Variants in PARVB observed in about 807,000 individuals in gnomAD.
The protein encoded by PARVB is parvin beta.
Under a neutral mutation model 47.0 loss-of-function variants are expected in PARVB, and 46 were observed. That is an observed-to-expected ratio of 0.98 (90% confidence interval 0.77 to 1.25). PARVB has a LOEUF of 1.25. Among genes scored for constraint, PARVB ranks in the 50% most tolerant of loss-of-function variants. The probability of loss-of-function intolerance (pLI) is 0.00; values close to 1 mark genes in which losing one functional copy is unlikely to be tolerated. For synonymous variants in PARVB, 196 were observed against 196.3 expected (o/e 1.00, Z 0.01); for missense variants, 473 against 471.6 (o/e 1.00, Z -0.03).
Position 44,068,995 on chromosome 22 carries a change from T to G in PARVB, c.113-24933T>G. ...CCCCGGTCCTTCCACAGCCTGACCC[T>G]CTGTGACCTTCCTCAAAGGCTCCCC... On this transcript the variant is annotated intron_variant, in intron 1 of 12. Transcript: ENST00000338758. The surrounding 1 kb of genome is among the most constrained non-coding windows in gnomAD (Gnocchi z 4.1). The G allele has an allele frequency of 2.5e-6, 2 of 799,228 alleles. No individual in the cohort carries two copies. Among genetic ancestry groups the G allele is most frequent in the Non-Finnish European group, 4.0e-6 (2 of 497,512 alleles). The allele number at this position is 799,228 out of a possible 1,614,324, so 49.5% of individuals were successfully genotyped here.
At chr22:44,016,534 C>T (rs1355940065) in intron 2 of PARVB, among the ~76,000 whole-genome samples, 3 of 152,212 alleles carry the variant, frequency 2.0e-5, no homozygotes, top group Non-Finnish European at 4.4e-5. Flanking sequence ...AACACATCAT[C>T]CTATCCAAGT....
At chr22:44,005,641 C>T (rs187352841) in intron 2 of PARVB, among the ~76,000 whole-genome samples, 9 of 152,166 alleles carry the variant, frequency 5.9e-5, no homozygotes, top group African/African-American at 2.2e-4. Context: ...CTCTCCACAC[C>T]CAAGTAACGA....
chr22:44,125,780 A>T lies in PARVB; in HGVS notation c.377-5707A>T, dbSNP rs535545234. 3.9e-5 allele frequency among the ~76,000 whole-genome samples: 6 copies of T among 152,260 alleles called. No individual in the cohort carries two copies. The South Asian group carries it at 1.0e-3, about 26-fold the overall frequency. ...TGTGACGTGGATTGGGTTAGAGTTT[A>T]AAAGGTCACTTAGGCTTCTGGGTGC... On this transcript the variant is annotated intron_variant, in intron 4 of 12. Transcript: ENST00000338758. This position sits in a 1 kb window ranked among gnomAD's most constrained non-coding sequence, Gnocchi z 4.1.
chr22:44,027,903 GA>G (rs200565529), intron 1 of PARVB, among the ~76,000 whole-genome samples: 47 of 91,120 alleles, frequency 5.2e-4, no homozygotes, highest in South Asian at 1.6e-3. Context: ...ATATCAAATA[GA>G]AAAAAAAACC....
intron 8 of PARVB, chr22:44,146,318 CGCACACATGTGCTCACGT>C (rs1984683681): frequency 7.8e-6 from 1 of 128,952 alleles, no homozygotes; most frequent in African/African-American, 3.2e-5. Context: ...TGCTCACACA[CGCACACATGTGCTCACGT>C]GCACACAGGT....
intron 1 of PARVB, among the ~76,000 whole-genome samples, chr22:44,047,480 G>A (rs1030291446): frequency 6.6e-6 from 1 of 152,046 alleles, no homozygotes; most frequent in African/African-American, 2.4e-5. Flanking sequence ...GGTCAACATG[G>A]CGAAACCCCA....
chr22:44,055,678 C>CTCTCTA (rs1438284048), intron 1 of PARVB, among the ~76,000 whole-genome samples: 3,084 of 142,670 alleles, frequency 0.022, 38 homozygotes, highest in Non-Finnish European at 0.021. Flanking sequence ...CTCTCTCTCT[C>CTCTCTA]TATATATATA....
At chr22:44,149,449 T>G (rs2053755072) in intron 9 of PARVB, 1 of 152,232 alleles carries the variant, frequency 6.6e-6, no homozygotes, top group Admixed American at 6.5e-5. Context: ...TGCCCACCTC[T>G]GCAGGTTTCT....
chr22:44,122,556 C>CAG (rs1569134550), intron 4 of PARVB, among the ~76,000 whole-genome samples: 19 of 46,066 alleles, frequency 4.1e-4, no homozygotes, highest in East Asian at 2.4e-3. Flanking sequence ...GAGAGAGACA[C>CAG]AGAGACAGAG....
At chr22:44,142,046 A>G (rs2053561983) in intron 8 of PARVB, 3 of 151,932 alleles carry the variant, frequency 2.0e-5, no homozygotes. Flanking sequence ...TTCTTCCTGG[A>G]GGAGGCTCAG....
At chr22:44,065,483 T>C (rs2051500681) in intron 1 of PARVB, among the ~76,000 whole-genome samples, 1 of 152,162 alleles carries the variant, frequency 6.6e-6, no homozygotes, top group Admixed American at 6.5e-5. Context: ...TTCTTTATTG[T>C]TTATTTCAAC....
At chr22:44,055,678 C>CTCTCTCTATATATATATATA (rs1438284048) in intron 1 of PARVB, among the ~76,000 whole-genome samples, 1 of 142,680 alleles carries the variant, frequency 7.0e-6, no homozygotes, top group African/African-American at 2.6e-5. Context: ...CTCTCTCTCT[C>CTCTCTCTATATATATATATA]TATATATATA....
intron 1 of PARVB, among the ~76,000 whole-genome samples, chr22:44,086,441 C>T (rs368107907): frequency 6.6e-6 from 1 of 152,206 alleles, no homozygotes; most frequent in Non-Finnish European, 1.5e-5. Flanking sequence ...ATCCCAAGAA[C>T]CTTGGAGATT....
chr22:44,129,151 T>C (rs1210427312), intron 4 of PARVB, among the ~76,000 whole-genome samples: 1 of 152,082 alleles, frequency 6.6e-6, no homozygotes, highest in African/African-American at 2.4e-5. Flanking sequence ...CCTAATTCAA[T>C]ATGTCTAGGG....
chr22:44,147,592 G>C (rs894189173), intron 8 of PARVB: 8 of 636,424 alleles, frequency 1.3e-5, no homozygotes, highest in African/African-American at 1.2e-4. Context: ...TTTCATATGA[G>C]AAGGTAAAAA....
chr22:44,036,991 T>A (rs1010000904), intron 1 of PARVB, among the ~76,000 whole-genome samples: 45 of 150,514 alleles, frequency 3.0e-4, no homozygotes, highest in African/African-American at 1.1e-3. Flanking sequence ...ATCAAAATAA[T>A]AATCATAATA....
chr22:44,026,223 T>G (rs2050726137), intron 1 of PARVB: 1 of 690,084 alleles, frequency 1.4e-6, no homozygotes, highest in Non-Finnish European at 1.8e-6. Flanking sequence ...CCTGTATGAA[T>G]TGATGTGTGT....
intron 8 of PARVB, 25 bp downstream of exon 8, chr22:44,140,168 G>A (rs756714814): frequency 6.4e-7 from 1 of 1,572,612 alleles, no homozygotes; most frequent in South Asian, 1.1e-5. Flanking sequence ...GGAAAGTGGG[G>A]AGATGGAGGC....
At chr22:44,006,915 C>T (rs1162852011) in intron 2 of PARVB, among the ~76,000 whole-genome samples, 4 of 152,200 alleles carry the variant, frequency 2.6e-5, no homozygotes, top group Non-Finnish European at 5.9e-5. Flanking sequence ...CTGTCATGCC[C>T]CGTGTGAGGG....
Sources: allele counts gnomAD v4.1 joint callset (sites outside exome capture counted in the v4.1 genomes callset), GRCh38; gene constraint gnomAD v4.1.1; non-coding constraint Gnocchi (gnomAD v3.1); transcripts MANE v1.5; gene names NCBI Gene and HGNC (gene_info 2026-07-23, HGNC 2026-07-21).